Variants in ALDH1A2 observed in about 807,000 individuals in gnomAD.
ALDH1A2 encodes the protein retinal dehydrogenase 2.
In ALDH1A2, 27 loss-of-function variants were observed where a neutral mutation model predicts 60.3. That is an observed-to-expected ratio of 0.45 (90% CI 0.33 to 0.62). The LOEUF (loss-of-function observed/expected upper bound fraction) is 0.62, where lower values mean the gene tolerates loss of function less well. Ranked by LOEUF, ALDH1A2 falls within the 20% of genes least tolerant of loss-of-function variation. The probability of loss-of-function intolerance (pLI) is 0.02; values close to 1 mark genes in which losing one functional copy is unlikely to be tolerated. For missense variants in ALDH1A2, 581 were observed against 643.8 expected, an observed-to-expected ratio of 0.90 and a Z score of 1.06; for synonymous variants, 289 against 232.4, an observed-to-expected ratio of 1.24 and a Z score of -2.21.
intron 1 of ALDH1A2, among the ~76,000 whole-genome samples, chr15:58,027,416 T>C (rs1376869173): frequency 6.6e-6 from 1 of 152,118 alleles, no homozygotes; most frequent in South Asian, 2.1e-4. Context: ...CAAAGGTAGA[T>C]AAAACCACAA....
chr15:58,031,170 C>T (rs993445906), intron 1 of ALDH1A2, among the ~76,000 whole-genome samples: 1 of 152,094 alleles, frequency 6.6e-6, no homozygotes, highest in East Asian at 1.9e-4. Context: ...CACAGATACA[C>T]AGACCAATGG....
At chr15:58,056,615 A>T (rs1896901757) in intron 1 of ALDH1A2, among the ~76,000 whole-genome samples, 1 of 152,168 alleles carries the variant, frequency 6.6e-6, no homozygotes, top group African/African-American at 2.4e-5. Context: ...AAGAAGAGGG[A>T]AAGTTACAAG....
chr15:57,993,698 G>T (rs1183071560), intron 5 of ALDH1A2, among the ~76,000 whole-genome samples: 2 of 152,112 alleles, frequency 1.3e-5, no homozygotes, highest in East Asian at 3.9e-4. Flanking sequence ...GATGAGGTTG[G>T]GGTCTAAAAT....
chr15:58,021,918 C>T (rs189422258), intron 1 of ALDH1A2, among the ~76,000 whole-genome samples: 7 of 152,274 alleles, frequency 4.6e-5, no homozygotes, highest in South Asian at 2.1e-4. Context: ...CTGGTGCAGG[C>T]GGATGAGTTA....
intron 12 of ALDH1A2, among the ~76,000 whole-genome samples, chr15:57,958,636 G>C (rs1422275870): frequency 6.6e-6 from 1 of 152,188 alleles, no homozygotes; most frequent in African/African-American, 2.4e-5. Context: ...AAAGCTGCAT[G>C]GAGTTTGCAG....
intron 1 of ALDH1A2, among the ~76,000 whole-genome samples, chr15:58,051,832 C>A (rs1479335407): frequency 1.3e-5 from 2 of 152,148 alleles, no homozygotes; most frequent in Non-Finnish European, 2.9e-5. Flanking sequence ...CTATTAGACT[C>A]AAGTGAAAAG....
chr15:58,048,988 C>G (rs1187113518), intron 1 of ALDH1A2, among the ~76,000 whole-genome samples: 2 of 152,120 alleles, frequency 1.3e-5, no homozygotes, highest in Middle Eastern at 3.4e-3. Context: ...CACCCTGACC[C>G]TCACATTCCA....
At chr15:58,034,692 T>G (rs1173317212) in intron 1 of ALDH1A2, among the ~76,000 whole-genome samples, 3 of 151,734 alleles carry the variant, frequency 2.0e-5, no homozygotes, top group Admixed American at 6.6e-5. Flanking sequence ...GGTGCTGAAT[T>G]TTGTCAAATA....
At chr15:58,062,820 G>C (rs1359249284) in intron 1 of ALDH1A2, among the ~76,000 whole-genome samples, 1 of 152,144 alleles carries the variant, frequency 6.6e-6, no homozygotes, top group African/African-American at 2.4e-5. Flanking sequence ...GTATAATATG[G>C]ATACTAGAAT....
At chr15:58,018,624 C>T (rs1246913618) in intron 1 of ALDH1A2, among the ~76,000 whole-genome samples, 3 of 152,130 alleles carry the variant, frequency 2.0e-5, no homozygotes, top group Non-Finnish European at 4.4e-5. Context: ...GCAGACACCA[C>T]CTTAATCAAA....
chr15:57,957,891 G>C (rs1268457157), intron 12 of ALDH1A2, among the ~76,000 whole-genome samples: 3 of 152,044 alleles, frequency 2.0e-5, no homozygotes, highest in African/African-American at 7.2e-5. Flanking sequence ...CATCAGAGGA[G>C]CTTGCAGGTG....
At chr15:57,994,306 C>A (rs1894983558) in intron 5 of ALDH1A2, among the ~76,000 whole-genome samples, 1 of 152,184 alleles carries the variant, frequency 6.6e-6, no homozygotes, top group African/African-American at 2.4e-5. Flanking sequence ...AATATTATAT[C>A]TTCCCCACAT....
At chr15:58,015,877 G>T (rs901567829) in intron 1 of ALDH1A2, among the ~76,000 whole-genome samples, 1 of 152,130 alleles carries the variant, frequency 6.6e-6, no homozygotes, top group Non-Finnish European at 1.5e-5. Context: ...TATTGGTCTG[G>T]TTCTCTTTTC....
intron 1 of ALDH1A2, among the ~76,000 whole-genome samples, chr15:58,022,872 A>G (rs772245163): frequency 6.6e-6 from 1 of 152,232 alleles, no homozygotes; most frequent in Non-Finnish European, 1.5e-5. Flanking sequence ...CTCCCCTATG[A>G]AAGTAAATTC....
rs1208812069 is a variant in ALDH1A2 at position 57,972,036 on chromosome 15, AT to A, written c.799-6210del. Among the ~76,000 whole-genome samples the A allele has an allele frequency of 3.3e-5, 5 of 152,194 alleles. No homozygotes were observed. In the East Asian group the frequency reaches 9.7e-4, roughly 29 times the overall value. ...TGAGCCATCGTGTCCAGCTAATGTT[AT>A]TGTTGATTGAGCACCTATTCTGTCT... On this transcript the variant is annotated intron_variant, in intron 7 of 12. Transcript: ENST00000249750.
chr15:58,013,190 G>C (rs4646585), intron 3 of ALDH1A2, among the ~76,000 whole-genome samples: 2 of 152,264 alleles, frequency 1.3e-5, no homozygotes, highest in South Asian at 2.1e-4. Context: ...ATCCCCTCTG[G>C]TTCTGAAGGA....
At chr15:57,962,560 C>A (rs563706815) in intron 9 of ALDH1A2, among the ~76,000 whole-genome samples, 25 of 152,134 alleles carry the variant, frequency 1.6e-4, no homozygotes, top group African/African-American at 6.0e-4. Flanking sequence ...TAAAAAGAGG[C>A]AAAAATTAGC....
At chr15:58,034,785 G>C (rs1303759759) in intron 1 of ALDH1A2, among the ~76,000 whole-genome samples, 9 of 151,504 alleles carry the variant, frequency 5.9e-5, no homozygotes, top group African/African-American at 2.2e-4. Context: ...ATTGAATTTT[G>C]AATGCCAAAT....
rs547011611 is a variant in ALDH1A2, at chr15:58,045,721, A to C, written c.117+19813T>G. 9.2e-5 allele frequency among the ~76,000 whole-genome samples: 14 copies of C among 152,142 alleles called. 1 individual carries two copies. The South Asian group carries it at 2.9e-3, about 32-fold the overall frequency. ...AGAACACGTGGACACAGGATGGGGA[A>C]CACCACACACCCGGACCTGTCAGGG... On this transcript the variant is annotated intron_variant, in intron 1 of 12. Coordinates refer to ENST00000249750, the MANE Select transcript of ALDH1A2 (RefSeq NM_003888.4).
Sources: allele counts gnomAD v4.1 joint callset (sites outside exome capture counted in the v4.1 genomes callset), GRCh38; gene constraint gnomAD v4.1.1; transcripts MANE v1.5; gene names NCBI Gene and HGNC (gene_info 2026-07-23, HGNC 2026-07-21).